Variants in TRPM3 observed in about 807,000 individuals in gnomAD.
The protein encoded by TRPM3 is transient receptor potential cation channel subfamily M member 3.
In TRPM3, 77 loss-of-function variants were observed where a neutral mutation model predicts 181.2. That is an observed-to-expected ratio of 0.42 (90% CI 0.35 to 0.51). The LOEUF is 0.51. Among genes scored for constraint, TRPM3 ranks in the 20% least tolerant of loss-of-function variants. The probability of loss-of-function intolerance (pLI) is 0.01; values close to 1 mark genes in which losing one functional copy is unlikely to be tolerated. For synonymous variants in TRPM3, 745 were observed against 796.4 expected (o/e 0.94, Z 1.09); for missense variants, 1,759 against 2,196.7 (o/e 0.80, Z 3.98).
intron 1 of TRPM3, among the ~76,000 whole-genome samples, chr9:71,224,950 C>T (rs755381353): frequency 6.6e-5 from 10 of 151,912 alleles, no homozygotes; most frequent in Admixed American, 1.3e-4. Context: ...ATAAAGCATG[C>T]CTGTAAGATC....
chr9:70,871,128 G>A (rs914527804), intron 1 of TRPM3, among the ~76,000 whole-genome samples: 1 of 151,842 alleles, frequency 6.6e-6, no homozygotes, highest in East Asian at 1.9e-4. Context: ...GGGAGAAGAG[G>A]AGGAAAGTGG....
chr9:71,107,314 C>T (rs922704670), intron 1 of TRPM3, among the ~76,000 whole-genome samples: 4 of 152,138 alleles, frequency 2.6e-5, no homozygotes, highest in African/African-American at 9.7e-5. Context: ...TGTACTTAAT[C>T]CTGAATAGTT....
At chr9:71,395,663 T>C (rs1241254525) in intron 1 of TRPM3, among the ~76,000 whole-genome samples, 1 of 152,268 alleles carries the variant, frequency 6.6e-6, no homozygotes, top group Non-Finnish European at 1.5e-5. Flanking sequence ...TTTCAATCTT[T>C]TGAAAGATCA....
intron 1 of TRPM3, among the ~76,000 whole-genome samples, chr9:71,172,271 T>G (rs991920870): frequency 7.9e-5 from 12 of 152,244 alleles, no homozygotes; most frequent in African/African-American, 2.6e-4. Flanking sequence ...TTTAGCCAGA[T>G]AGAGGTTGGT....
At chr9:70,790,575 C>T (rs1439596540) in intron 6 of TRPM3, among the ~76,000 whole-genome samples, 1 of 152,182 alleles carries the variant, frequency 6.6e-6, no homozygotes, top group East Asian at 1.9e-4. Flanking sequence ...TATTTTGCCT[C>T]ATTTTAATGG....
chr9:70,605,293 G>A (rs1589204425), intron 19 of TRPM3, among the ~76,000 whole-genome samples: 1 of 152,036 alleles, frequency 6.6e-6, no homozygotes, highest in East Asian at 1.9e-4. Context: ...GTATCTCTGA[G>A]ACCCCATCAC....
intron 1 of TRPM3, among the ~76,000 whole-genome samples, chr9:71,146,019 G>C (rs1283853056): frequency 1.3e-5 from 2 of 152,070 alleles, no homozygotes; most frequent in African/African-American, 4.8e-5. Context: ...GATTCTGTTA[G>C]GTACATATTT....
intron 1 of TRPM3, among the ~76,000 whole-genome samples, chr9:71,287,064 T>A (rs11142782): frequency 0.11 from 15,348 of 142,154 alleles, 1,039 homozygotes; most frequent in South Asian, 0.14. Context: ...TATTATATAA[T>A]TTATATATTA....
intron 6 of TRPM3, among the ~76,000 whole-genome samples, chr9:70,787,763 C>CTTTTTTTTTTTTTTTTTTTTTGTT (rs2084071076): frequency 5.5e-4 from 38 of 68,546 alleles, no homozygotes; most frequent in Non-Finnish European, 6.3e-4. Context: ...TTTTTGGATT[C>CTTTTTTTTTTTTTTTTTTTTTGTT]TTTTTTTTTT....
At chr9:70,609,431 G>A (rs1363179122) in intron 19 of TRPM3, among the ~76,000 whole-genome samples, 2 of 151,966 alleles carry the variant, frequency 1.3e-5, no homozygotes, top group African/African-American at 4.8e-5. Flanking sequence ...TTTACATTTC[G>A]ATAATATCCT....
intron 1 of TRPM3, among the ~76,000 whole-genome samples, chr9:71,386,929 A>C (rs1387920804): frequency 6.6e-6 from 1 of 152,184 alleles, no homozygotes; most frequent in African/African-American, 2.4e-5. Flanking sequence ...TAGTAAGTAC[A>C]TGTGATCTTC....
intron 8 of TRPM3, among the ~76,000 whole-genome samples, chr9:70,694,093 C>G (rs749468413): frequency 2.0e-5 from 3 of 152,174 alleles, no homozygotes; most frequent in Admixed American, 6.5e-5. Context: ...CTGAGAGACT[C>G]TGCCATGGAG....
At chr9:71,396,702 C>A (rs1387078053) in intron 1 of TRPM3, among the ~76,000 whole-genome samples, 2 of 151,688 alleles carry the variant, frequency 1.3e-5, no homozygotes, top group Non-Finnish European at 2.9e-5. Flanking sequence ...TGGCTCACAC[C>A]TGTAAATCCC....
intron 1 of TRPM3, among the ~76,000 whole-genome samples, chr9:71,140,505 C>CA (rs2075032966): frequency 6.6e-6 from 1 of 152,192 alleles, no homozygotes; most frequent in Non-Finnish European, 1.5e-5. Context: ...TTCAATATGA[C>CA]ATCCTGACAC....
chr9:70,593,616 A>AT (rs1474325705), intron 21 of TRPM3, among the ~76,000 whole-genome samples: 2 of 152,090 alleles, frequency 1.3e-5, no homozygotes, highest in Non-Finnish European at 1.5e-5. Flanking sequence ...GAGAAGAAAC[A>AT]TTTTTCCCAA....
At chr9:71,305,501 T>C (rs1327578142) in intron 1 of TRPM3, among the ~76,000 whole-genome samples, 2 of 152,112 alleles carry the variant, frequency 1.3e-5, no homozygotes, top group African/African-American at 4.8e-5. Flanking sequence ...GTAAATAAAA[T>C]TACAAGAAAA....
chr9:70,618,257 C>T (rs1168898909), intron 17 of TRPM3, among the ~76,000 whole-genome samples: 1 of 152,170 alleles, frequency 6.6e-6, no homozygotes, highest in East Asian at 1.9e-4. Flanking sequence ...ACTATGTGTC[C>T]TTCCTGATTT....
intron 22 of TRPM3, among the ~76,000 whole-genome samples, chr9:70,582,956 G>A (rs1320040315): frequency 6.6e-6 from 1 of 152,140 alleles, no homozygotes; most frequent in Non-Finnish European, 1.5e-5. Flanking sequence ...TTTATTTTGG[G>A]TATCCTGTTT....
intron 1 of TRPM3, among the ~76,000 whole-genome samples, chr9:71,204,606 C>T (rs1001117207): frequency 1.3e-5 from 2 of 152,208 alleles, no homozygotes; most frequent in Non-Finnish European, 1.5e-5. Context: ...CACTTTTACA[C>T]TGTTGGTGGG....
Sources: gnomAD v4.1 joint callset for allele counts (sites outside exome capture counted in the v4.1 genomes callset) on GRCh38, gnomAD v4.1.1 for gene constraint, MANE v1.5 for transcripts, NCBI Gene and HGNC (gene_info 2026-07-23, HGNC 2026-07-21) for gene names.